Variants in PCDHA13 observed in about 807,000 individuals in gnomAD.
PCDHA13 encodes protocadherin alpha 13.
In PCDHA13, 54 loss-of-function variants were observed where a neutral mutation model predicts 64.8. That is an observed-to-expected ratio of 0.83 (90% confidence interval 0.67 to 1.04). The LOEUF (loss-of-function observed/expected upper bound fraction) is 1.04, where lower values mean the gene tolerates loss of function less well. PCDHA13 is among the 50% of genes least tolerant of loss of function. The probability of loss-of-function intolerance (pLI) is 0.00; values close to 1 mark genes in which losing one functional copy is unlikely to be tolerated. For missense variants in PCDHA13, 1,248 were observed against 1,254.3 expected, an observed-to-expected ratio of 0.99 and a Z score of 0.08; for synonymous variants, 587 against 564.4, an observed-to-expected ratio of 1.04 and a Z score of -0.57.
intron 1 of PCDHA13, among the ~76,000 whole-genome samples, chr5:140,885,719 T>C (rs1304075284): frequency 6.6e-6 from 1 of 152,210 alleles, no homozygotes; most frequent in Non-Finnish European, 1.5e-5. Flanking sequence ...TAATGTGATC[T>C]CTGTGAAATG....
intron 1 of PCDHA13, chr5:140,966,244 G>C (rs1302762597): frequency 3.2e-6 from 1 of 315,708 alleles, no homozygotes; most frequent in Non-Finnish European, 5.7e-6. Context: ...CGTTAAGCAG[G>C]GGAGAGACGG....
At chr5:140,996,811 A>G (rs2097746792) in intron 3 of PCDHA13, among the ~76,000 whole-genome samples, 1 of 152,212 alleles carries the variant, frequency 6.6e-6, no homozygotes, top group African/African-American at 2.4e-5. Flanking sequence ...ATGCTTTCCA[A>G]AAGTAACCAC....
chr5:140,913,569 A>G (rs1554195984), intron 1 of PCDHA13, among the ~76,000 whole-genome samples: 1 of 151,952 alleles, frequency 6.6e-6, no homozygotes, highest in Non-Finnish European at 1.5e-5. Flanking sequence ...TATTTTCATC[A>G]TTTCAAATAT....
chr5:140,975,358 A>T (rs1212652611), intron 1 of PCDHA13, among the ~76,000 whole-genome samples: 1 of 152,258 alleles, frequency 6.6e-6, no homozygotes, highest in East Asian at 1.9e-4. Flanking sequence ...CAACTGTGCT[A>T]CATAGCATAA....
chr5:140,917,130 C>T (rs1449410463), intron 1 of PCDHA13, among the ~76,000 whole-genome samples: 1 of 152,060 alleles, frequency 6.6e-6, no homozygotes, highest in Non-Finnish European at 1.5e-5. Flanking sequence ...AGACTCCCCA[C>T]GTTGCTCAGC....
intron 1 of PCDHA13, among the ~76,000 whole-genome samples, chr5:140,976,475 C>T (rs1160749030): frequency 1.3e-5 from 2 of 151,996 alleles, no homozygotes; most frequent in Non-Finnish European, 1.5e-5. Flanking sequence ...TGCTTGAATC[C>T]GGGAGGCAGA....
chr5:140,912,897 G>A (rs782442093), intron 1 of PCDHA13, among the ~76,000 whole-genome samples: 5 of 152,172 alleles, frequency 3.3e-5, no homozygotes, highest in Non-Finnish European at 5.9e-5. Context: ...TTGATATGAT[G>A]TATCATATTG....
At chr5:140,916,755 G>C (rs781862005) in intron 1 of PCDHA13, among the ~76,000 whole-genome samples, 15 of 152,208 alleles carry the variant, frequency 9.9e-5, no homozygotes, top group Admixed American at 2.0e-4. Flanking sequence ...CTGGGATTAG[G>C]GGAGGGGTGG....
intron 3 of PCDHA13, among the ~76,000 whole-genome samples, chr5:141,006,417 G>A (rs1010340395): frequency 6.6e-6 from 1 of 152,030 alleles, no homozygotes; most frequent in Admixed American, 6.6e-5. Flanking sequence ...GTTTCACTGT[G>A]TTAGCCAGGA....
At chr5:140,960,548 A>G (rs73793541) in intron 1 of PCDHA13, among the ~76,000 whole-genome samples, 2,047 of 152,290 alleles carry the variant, frequency 0.013, 37 homozygotes, top group African/African-American at 0.047. Context: ...TGGCCTTCAT[A>G]TAGACTGAGC....
intron 1 of PCDHA13, among the ~76,000 whole-genome samples, chr5:140,951,923 T>C (rs538525528): frequency 6.6e-6 from 1 of 152,214 alleles, no homozygotes; most frequent in South Asian, 2.1e-4. Flanking sequence ...ACAAGTTAGT[T>C]ACTCCCAAGA....
intron 1 of PCDHA13, among the ~76,000 whole-genome samples, chr5:140,888,192 A>G (rs906159358): frequency 4.6e-5 from 7 of 152,120 alleles, no homozygotes; most frequent in Non-Finnish European, 8.8e-5. Context: ...TGAATTTTAC[A>G]TTGTCGGATG....
chr5:140,986,236 T>C (rs1213371307), intron 3 of PCDHA13, among the ~76,000 whole-genome samples: 1 of 152,170 alleles, frequency 6.6e-6, no homozygotes. Flanking sequence ...CCCCTCTGTG[T>C]GAGCAGACCC....
intron 1 of PCDHA13, among the ~76,000 whole-genome samples, chr5:140,932,779 G>T (rs556279743): frequency 3.9e-5 from 6 of 151,910 alleles, no homozygotes; most frequent in Non-Finnish European, 8.9e-5. Context: ...TAATTTGAGT[G>T]GACATAAGAG....
intron 1 of PCDHA13, chr5:140,968,411 G>C (rs895173088): frequency 1.9e-6 from 3 of 1,614,012 alleles, no homozygotes; most frequent in South Asian, 1.1e-5. Context: ...CTTTGTGACT[G>C]TGGAGGCTCA....
At chr5:140,918,313 T>C (rs1406314903) in intron 1 of PCDHA13, among the ~76,000 whole-genome samples, 3 of 152,146 alleles carry the variant, frequency 2.0e-5, no homozygotes, top group African/African-American at 7.2e-5. Context: ...GTTTTCTAGG[T>C]ATAAAATTAT....
In PCDHA13 at chr5:140,965,644, G is replaced by C. The variant is rs201197561; in HGVS notation, c.2395-13305G>C. On this transcript the variant is annotated intron_variant, in intron 1 of 3. Transcript: ENST00000289272. Reference sequence around the variant, plus strand: ...AAAGAAAAAATTTTAAATTACTCTTGAAAGAAAATGTCTTGGGTGATAAAT... The same window carrying C: ...AAAGAAAAAATTTTAAATTACTCTTCAAAGAAAATGTCTTGGGTGATAAAT... Among the ~76,000 whole-genome samples, 13 of 152,146 alleles carry C rather than the reference G, an allele frequency of 8.5e-5. No individual in the cohort carries two copies. The East Asian group carries it at 2.5e-3, about 29-fold the overall frequency.
rs782776341 is a variant in PCDHA13, at chr5:140,884,056, G to T, written c.1788G>T (p.Ala596=). 6.2e-7 allele frequency: 1 copy of T among 1,613,358 alleles called. No individual in the cohort carries two copies. The highest frequency in any genetic ancestry group is 8.5e-7 in the Non-Finnish European group (1 of 1,179,750). The change falls in exon 1 of 4, where the codon GCG becomes GCT. Residue 596 remains alanine (A), a synonymous_variant. Transcript: ENST00000289272. ...GAGHVVAKVR[A]VDADSGYNAW... The stretch of plus-strand genomic sequence containing the variant: ...GCCACGTGGTGGCGAAGGTGCGCGC[G>T]GTGGACGCCGATTCGGGCTACAATG...
intron 1 of PCDHA13, among the ~76,000 whole-genome samples, chr5:140,902,686 A>G (rs1038713623): frequency 2.0e-5 from 3 of 152,090 alleles, no homozygotes; most frequent in Non-Finnish European, 4.4e-5. Context: ...CGTACCTAAT[A>G]TGTGTAGTCT....
Sources: allele counts gnomAD v4.1 joint callset (sites outside exome capture counted in the v4.1 genomes callset), GRCh38; gene constraint gnomAD v4.1.1; transcripts MANE v1.5; gene names NCBI Gene and HGNC (gene_info 2026-07-23, HGNC 2026-07-21).